Variants in HPGDS observed in about 807,000 individuals in gnomAD.
HPGDS encodes the protein hematopoietic prostaglandin D synthase, also known as GST class-sigma.
In HPGDS, 26 loss-of-function variants were observed where a neutral mutation model predicts 23.1. The observed-to-expected ratio is 1.13, with a 90% CI of 0.83 to 1.56. The LOEUF (loss-of-function observed/expected upper bound fraction) is 1.56, where lower values mean the gene tolerates loss of function less well. Among genes scored for constraint, HPGDS ranks in the 40% most tolerant of loss-of-function variants. The probability of loss-of-function intolerance (pLI) is 0.00; values close to 1 mark genes in which losing one functional copy is unlikely to be tolerated. For missense variants in HPGDS, 268 were observed against 236.4 expected (o/e 1.13, Z -0.88); for synonymous variants, 95 against 77.9 (o/e 1.22, Z -1.16).
intron 2 of HPGDS, among the ~76,000 whole-genome samples, chr4:94,333,309 T>G (rs1034996888): frequency 1.3e-5 from 2 of 152,330 alleles, no homozygotes; most frequent in African/African-American, 4.8e-5. Flanking sequence ...CAATTTTCCT[T>G]GTAGTAATAT....
intron 2 of HPGDS, among the ~76,000 whole-genome samples, chr4:94,320,446 T>C (rs1441417540): frequency 6.6e-6 from 1 of 152,194 alleles, no homozygotes. Flanking sequence ...TTTTTAATGA[T>C]CGCCATTCTA....
intron 2 of HPGDS, among the ~76,000 whole-genome samples, chr4:94,320,717 G>C (rs1184711827): frequency 2.0e-5 from 3 of 152,194 alleles, no homozygotes; most frequent in Admixed American, 2.0e-4. Context: ...CAGGTTGCCT[G>C]TTCACTCTAA....
chr4:94,341,018 G>A (rs918037472), intron 1 of HPGDS, among the ~76,000 whole-genome samples: 1 of 151,394 alleles, frequency 6.6e-6, no homozygotes, highest in Non-Finnish European at 1.5e-5. Flanking sequence ...GCTAATTTTT[G>A]TATTTTTAGT....
intron 2 of HPGDS, among the ~76,000 whole-genome samples, chr4:94,321,166 G>T (rs368665040): frequency 6.6e-6 from 1 of 152,000 alleles, no homozygotes; most frequent in Non-Finnish European, 1.5e-5. Flanking sequence ...GTTACTGTAG[G>T]CTTGTAGTAT....
chr4:94,307,818 A>G (rs752636666), intron 4 of HPGDS, among the ~76,000 whole-genome samples: 2 of 151,834 alleles, frequency 1.3e-5, no homozygotes, highest in Non-Finnish European at 2.9e-5. Flanking sequence ...AAAGTGAGAA[A>G]GAAAATATAA....
chr4:94,319,807 A>G lies in HPGDS; in HGVS notation c.134-1842T>C, dbSNP rs571376035. Among the ~76,000 whole-genome samples the G allele has an allele frequency of 7.0e-4, 107 of 152,256 alleles. 1 individual carries two copies. Among genetic ancestry groups the G allele is most frequent in the South Asian group, 3.1e-3 (15 of 4,824 alleles). ...TTTAAGTTCTAGGGTACATGTGCAC[A>G]ATGTGCAGGTTTGTTACATAGGTAT... On this transcript the variant is annotated intron_variant, in intron 2 of 5. Coordinates refer to ENST00000295256, the MANE Select transcript of HPGDS (RefSeq NM_014485.3).
intron 2 of HPGDS, among the ~76,000 whole-genome samples, chr4:94,320,180 G>T (rs539342760): frequency 2.0e-5 from 3 of 152,142 alleles, no homozygotes; most frequent in Non-Finnish European, 4.4e-5. Context: ...ATTTGGGTTG[G>T]TTCCAAGTCT....
intron 1 of HPGDS, among the ~76,000 whole-genome samples, chr4:94,336,341 A>T (rs1578146344): frequency 6.6e-6 from 1 of 152,344 alleles, no homozygotes; most frequent in East Asian, 1.9e-4. Flanking sequence ...TGACCTGGAA[A>T]TAACTGGTTG....
At chr4:94,341,644 C>T (rs967133373) in intron 1 of HPGDS, among the ~76,000 whole-genome samples, 8 of 152,172 alleles carry the variant, frequency 5.3e-5, no homozygotes, top group Non-Finnish European at 1.2e-4. Context: ...GCATTCCAGA[C>T]ACAGTTTTTT....
intron 3 of HPGDS, among the ~76,000 whole-genome samples, chr4:94,316,902 C>T (rs985664456): frequency 5.3e-5 from 8 of 152,234 alleles, no homozygotes; most frequent in Admixed American, 2.6e-4. Flanking sequence ...GAAATTCTAG[C>T]TATCTTTGAG....
At chr4:94,299,943 T>C (rs1441120940) in intron 5 of HPGDS, among the ~76,000 whole-genome samples, 3 of 152,220 alleles carry the variant, frequency 2.0e-5, no homozygotes, top group Non-Finnish European at 2.9e-5. Context: ...CACCTCTCTG[T>C]GACAATACAT....
chr4:94,303,623 C>G (rs1756086967), intron 4 of HPGDS: 1 of 152,150 alleles, frequency 6.6e-6, no homozygotes, highest in Non-Finnish European at 1.5e-5. Context: ...CTGCTGCTTA[C>G]ACAGAATTTG....
At chr4:94,339,035 T>C (rs1381638157) in intron 1 of HPGDS, among the ~76,000 whole-genome samples, 1 of 152,202 alleles carries the variant, frequency 6.6e-6, no homozygotes, top group Non-Finnish European at 1.5e-5. Context: ...ACCTCATATA[T>C]AGGACAGACA....
chr4:94,332,165 T>A (rs912668849), intron 2 of HPGDS, among the ~76,000 whole-genome samples: 18 of 152,046 alleles, frequency 1.2e-4, no homozygotes, highest in Non-Finnish European at 1.8e-4. Flanking sequence ...GGAGGAGAGA[T>A]GACTTGACTT....
In HPGDS at chr4:94,308,887, T is replaced by A. The variant is rs112233215; in HGVS notation, c.227-144A>T. ...AAGACTAGCTTCCATCCACCACATT[T>A]TGCTCCCTTACCTACCTACCTTACT... On this transcript the variant is annotated intron_variant, in intron 3 of 5. Coordinates refer to ENST00000295256, the MANE Select transcript of HPGDS (RefSeq NM_014485.3). 7.8e-3 allele frequency: 3,756 copies of A among 478,934 alleles called. 45 individuals carry two copies. Among genetic ancestry groups the A allele is most frequent in the Middle Eastern group, 0.041 (101 of 2,486 alleles). The allele number at this position is 478,934 out of a possible 1,614,324, so 29.7% of individuals were successfully genotyped here.
At chr4:94,331,582 C>G (rs545469695) in intron 2 of HPGDS, among the ~76,000 whole-genome samples, 98 of 152,270 alleles carry the variant, frequency 6.4e-4, no homozygotes, top group African/African-American at 2.2e-3. Flanking sequence ...TTGAGCTGAT[C>G]AGCTTCCCCA....
At chr4:94,323,607 A>G (rs567323604) in intron 2 of HPGDS, among the ~76,000 whole-genome samples, 1 of 150,490 alleles carries the variant, frequency 6.6e-6, no homozygotes, top group Non-Finnish European at 1.5e-5. Context: ...TTTGTTTTCC[A>G]TTTGCTTGGT....
chr4:94,300,949 A>T (rs764769576), intron 5 of HPGDS, among the ~76,000 whole-genome samples: 9 of 152,186 alleles, frequency 5.9e-5, no homozygotes, highest in Non-Finnish European at 1.0e-4. Flanking sequence ...ACTGTGAAGA[A>T]GGGAGAGAGT....
chr4:94,331,973 T>C (rs932713253), intron 2 of HPGDS, among the ~76,000 whole-genome samples: 1 of 152,158 alleles, frequency 6.6e-6, no homozygotes, highest in Non-Finnish European at 1.5e-5. Flanking sequence ...TGCTGTCTCC[T>C]GATTGGTTCT....
Sources: gnomAD v4.1 joint callset for allele counts (sites outside exome capture counted in the v4.1 genomes callset) on GRCh38, gnomAD v4.1.1 for gene constraint, MANE v1.5 for transcripts, NCBI Gene and HGNC (gene_info 2026-07-23, HGNC 2026-07-21) for gene names.